COP1: variants seen among roughly 807,000 people sequenced by gnomAD.
The protein encoded by COP1 is COP1 E3 ubiquitin ligase.
Under a neutral mutation model 101.3 loss-of-function variants are expected in COP1, and 24 were observed. That is an observed-to-expected ratio of 0.24 (90% CI 0.17 to 0.33). The LOEUF is 0.33. Among genes scored for constraint, COP1 ranks in the 10% least tolerant of loss-of-function variants. The pLI is 1.00. For synonymous variants in COP1, 347 were observed against 341.9 expected (o/e 1.01, Z -0.17); for missense variants, 663 against 906.2 (o/e 0.73, Z 3.45).
chr1:176,136,678 T>G, intron 6 of COP1, 131 bp from the exon 7 acceptor site: 1 of 565,226 alleles, frequency 1.8e-6, no homozygotes, highest in Middle Eastern at 4.8e-4. Flanking sequence ...TAATGGCAAA[T>G]TAACAGGAGG....
At chr1:176,139,279 C>CAAAA (rs201417535) in intron 6 of COP1, among the ~76,000 whole-genome samples, 2 of 124,920 alleles carry the variant, frequency 1.6e-5, no homozygotes, top group South Asian at 2.4e-4. Context: ...AAAACAAAAA[C>CAAAA]AAAAAAAACA....
chr1:176,015,332 G>A (rs1257225745), intron 15 of COP1, among the ~76,000 whole-genome samples: 2 of 152,184 alleles, frequency 1.3e-5, no homozygotes, highest in African/African-American at 4.8e-5. Flanking sequence ...CAGTGGTAAA[G>A]GTAATGTAAC....
chr1:176,045,047 G>C (rs553425089), intron 12 of COP1, among the ~76,000 whole-genome samples: 1 of 152,232 alleles, frequency 6.6e-6, no homozygotes, highest in South Asian at 2.1e-4. Context: ...AAATGTTTAA[G>C]GGCACAGACT....
intron 15 of COP1, among the ~76,000 whole-genome samples, chr1:175,995,905 G>A (rs1660024598): frequency 6.6e-6 from 1 of 152,122 alleles, no homozygotes; most frequent in Non-Finnish European, 1.5e-5. Flanking sequence ...TATGAGGCCA[G>A]CATCATCCTG....
At chr1:176,027,886 C>T (rs1247045823) in intron 14 of COP1, among the ~76,000 whole-genome samples, 198 bp from the exon 15 acceptor site, 2 of 111,446 alleles carry the variant, frequency 1.8e-5, no homozygotes, top group Non-Finnish European at 3.6e-5. Context: ...ATACCTGAAA[C>T]TGGGTAATTT....
chr1:176,032,287 C>A (rs191007586), intron 14 of COP1, among the ~76,000 whole-genome samples: 1 of 152,202 alleles, frequency 6.6e-6, no homozygotes, highest in South Asian at 2.1e-4. Context: ...TTGTTTTATA[C>A]CTCTATAAAA....
rs1013410566 is a variant in COP1, at chr1:176,079,937, T to C, written c.1277+1215A>G. On this transcript the variant is annotated intron_variant, in intron 11 of 19. Coordinates refer to ENST00000367669, the MANE Select transcript of COP1 (RefSeq NM_022457.7). Reference sequence around the variant, plus strand: ...ACTCGGGAAGCTGAGGCATGAGGACTGCATGAGCCTAGGAGTCTGAGGATC... The same window carrying C: ...ACTCGGGAAGCTGAGGCATGAGGACCGCATGAGCCTAGGAGTCTGAGGATC... Among the ~76,000 whole-genome samples, 9 of 151,924 alleles carry C rather than the reference T, an allele frequency of 5.9e-5. 1 individual carries two copies. Among genetic ancestry groups the C allele is most frequent in the Non-Finnish European group, 1.3e-4 (9 of 68,004 alleles).
intron 5 of COP1, among the ~76,000 whole-genome samples, chr1:176,157,366 T>C (rs1052532716): frequency 6.6e-6 from 1 of 152,156 alleles, no homozygotes; most frequent in East Asian, 1.9e-4. Context: ...ACTAAACACA[T>C]GCAAATTGAG....
intron 1 of COP1, among the ~76,000 whole-genome samples, chr1:176,188,441 C>T (rs923924765): frequency 3.9e-5 from 6 of 152,024 alleles, no homozygotes; most frequent in Admixed American, 3.3e-4. Flanking sequence ...AAAAACGTAT[C>T]CATTTAGAAC....
chr1:176,015,163 A>G (rs1665401197), intron 15 of COP1, among the ~76,000 whole-genome samples: 1 of 152,188 alleles, frequency 6.6e-6, no homozygotes. Flanking sequence ...TGAGAGCAGC[A>G]TGAAATAATG....
intron 1 of COP1, among the ~76,000 whole-genome samples, chr1:176,202,032 C>A (rs1447158185): frequency 6.6e-6 from 1 of 152,112 alleles, no homozygotes; most frequent in African/African-American, 2.4e-5. Flanking sequence ...CTTAAACTTT[C>A]CACTTTCCTA....
intron 1 of COP1, among the ~76,000 whole-genome samples, chr1:176,189,684 A>G: frequency 6.6e-6 from 1 of 151,894 alleles, no homozygotes; most frequent in East Asian, 1.9e-4. Flanking sequence ...GAACATAAAT[A>G]CAAAATACAT....
intron 14 of COP1, among the ~76,000 whole-genome samples, chr1:176,040,909 T>C (rs1670410179): frequency 6.6e-6 from 1 of 152,152 alleles, no homozygotes; most frequent in Non-Finnish European, 1.5e-5. Flanking sequence ...GGTAGTAATG[T>C]TAAGATAAAA....
rs111932433 is a variant in COP1 at position 176,046,753 on chromosome 1, T to G, written c.1278-429A>C. ...GTAGTAGAATTTCACAATATTAAAT[T>G]TTATTTTTAATAAATAAATTAGTAT... On this transcript the variant is annotated intron_variant, in intron 11 of 19. Transcript: ENST00000367669. Among the ~76,000 whole-genome samples, 404 of 152,156 alleles carry G rather than the reference T, an allele frequency of 2.7e-3. 4 individuals are homozygous for G. Among genetic ancestry groups the G allele is most frequent in the African/African-American group, 9.3e-3 (386 of 41,548 alleles).
chr1:176,015,586 G>GA (rs917499669), intron 15 of COP1, among the ~76,000 whole-genome samples: 2 of 151,866 alleles, frequency 1.3e-5, no homozygotes, highest in African/African-American at 4.8e-5. Context: ...AACCAAGGAG[G>GA]AAAAAAAAGT....
intron 3 of COP1, among the ~76,000 whole-genome samples, chr1:176,166,001 C>T (rs1397503860): frequency 2.0e-5 from 3 of 152,012 alleles, no homozygotes; most frequent in African/African-American, 4.8e-5. Context: ...ATGAATATGC[C>T]GCATTGAATT....
chr1:176,150,125 T>C (rs984060039), intron 5 of COP1, among the ~76,000 whole-genome samples: 53 of 152,288 alleles, frequency 3.5e-4, no homozygotes, highest in African/African-American at 1.2e-3. Context: ...AATAAGCCAA[T>C]TAAAATCTGA....
chr1:176,190,617 G>C (rs1446798228), intron 1 of COP1, among the ~76,000 whole-genome samples: 1 of 151,152 alleles, frequency 6.6e-6, no homozygotes, highest in Non-Finnish European at 1.5e-5. Context: ...TATCATCTCA[G>C]TTAATCAAGG....
intron 3 of COP1, among the ~76,000 whole-genome samples, chr1:176,171,528 T>C (rs1489699694): frequency 6.6e-6 from 1 of 152,206 alleles, no homozygotes; most frequent in Non-Finnish European, 1.5e-5. Context: ...GGAGTAGCAC[T>C]TTTAATTTCG....
Sources: allele counts gnomAD v4.1 joint callset (sites outside exome capture counted in the v4.1 genomes callset), GRCh38; gene constraint gnomAD v4.1.1; transcripts MANE v1.5; gene names NCBI Gene and HGNC (gene_info 2026-07-23, HGNC 2026-07-21).